The following KCNT1 variants were observed in gnomAD, a reference collection of about 807,000 sequenced individuals.
KCNT1 encodes the protein potassium channel subfamily T member 1.
KCNT1 carries 78 observed loss-of-function variants against 147.8 expected under a neutral mutation model. The ratio of observed to expected loss-of-function variants is 0.53; its 90% confidence interval spans 0.44 to 0.64. The LOEUF is 0.64. Ranked by LOEUF, KCNT1 falls within the 30% of genes least tolerant of loss-of-function variation. KCNT1 has a pLI of 0.00. For synonymous variants in KCNT1, 867 were observed against 748.8 expected, an observed-to-expected ratio of 1.16 and a Z score of -2.58; for missense variants, 1,419 against 1,750.3, an observed-to-expected ratio of 0.81 and a Z score of 3.38.
Position 135,778,419 on chromosome 9 carries a change from C to T in KCNT1, c.2523-5C>T. The stretch of plus-strand genomic sequence containing the variant: ...TGGGCCCCTCCAGGACCGCTGTCCC[C>T]ACAGGCCCGACCACCACTTCCTGGA... On this transcript the variant is annotated splice_region_variant and splice_polypyrimidine_tract_variant and intron_variant, in intron 21 of 30. Transcript: ENST00000371757. 6.4e-7 allele frequency: 1 copy of T among 1,550,762 alleles called. No homozygotes were observed. The highest frequency in any genetic ancestry group is 8.7e-7 in the Non-Finnish European group (1 of 1,146,980).
At chr9:135,706,696 C>G (rs1056436322) in intron 1 of KCNT1, among the ~76,000 whole-genome samples, 1 of 152,212 alleles carries the variant, frequency 6.6e-6, no homozygotes, top group African/African-American at 2.4e-5. Context: ...TTCACAGGCA[C>G]CAATAGTGCT....
At chr9:135,729,527 C>T (rs1009055357) in intron 2 of KCNT1, among the ~76,000 whole-genome samples, 11 of 152,208 alleles carry the variant, frequency 7.2e-5, no homozygotes, top group Admixed American at 2.6e-4. Context: ...CTCAGCTGTG[C>T]GCAGACTTCT....
chr9:135,748,233 C>G (rs1039805543), intron 2 of KCNT1, among the ~76,000 whole-genome samples: 1 of 152,264 alleles, frequency 6.6e-6, no homozygotes, highest in African/African-American at 2.4e-5. Context: ...TGTGACCGGC[C>G]CCTGGCCCCT....
chr9:135,754,204 T>C (rs1361029486), intron 5 of KCNT1, among the ~76,000 whole-genome samples: 2 of 152,210 alleles, frequency 1.3e-5, no homozygotes, highest in Non-Finnish European at 2.9e-5. Flanking sequence ...AGGCTCACAC[T>C]GCCTGGTCCC....
At chr9:135,743,734 G>A (rs1427597513) in intron 2 of KCNT1, among the ~76,000 whole-genome samples, 1 of 152,240 alleles carries the variant, frequency 6.6e-6, no homozygotes, top group Non-Finnish European at 1.5e-5. Context: ...GCACGGTCTG[G>A]ACACAGCCGA....
intron 2 of KCNT1, among the ~76,000 whole-genome samples, chr9:135,725,810 G>A (rs1353772681): frequency 6.6e-6 from 1 of 152,244 alleles, no homozygotes; most frequent in Admixed American, 6.5e-5. Context: ...CCTTTTGCTG[G>A]GCGGTTTGCC....
At chr9:135,755,207 G>A (rs768450525) in intron 6 of KCNT1, 38 bp downstream of exon 6, 13 of 1,580,648 alleles carry the variant, frequency 8.2e-6, no homozygotes, top group Non-Finnish European at 8.6e-7. Context: ...GACTGCAGTG[G>A]TGCTCAGTAA....
chr9:135,785,524 C>T, intron 28 of KCNT1, 194 bp downstream of exon 28: 3 of 721,766 alleles, frequency 4.2e-6, no homozygotes, highest in South Asian at 1.7e-5. Flanking sequence ...CTCCCTCCTG[C>T]ACTGGTGGTG....
chr9:135,770,567 A>G (rs965869176), intron 17 of KCNT1, 120 bp downstream of exon 17: 25 of 1,276,532 alleles, frequency 2.0e-5, no homozygotes, highest in Non-Finnish European at 2.1e-5. Flanking sequence ...GGCTCGGGGG[A>G]GGGCATCAGG....
chr9:135,755,727 A>G (rs1831440230), intron 6 of KCNT1, among the ~76,000 whole-genome samples: 1 of 150,964 alleles, frequency 6.6e-6, no homozygotes, highest in Admixed American at 6.6e-5. Context: ...TGCTGAGGAC[A>G]AACCAAGACT....
At chr9:135,703,087 G>A (rs73667688) in intron 1 of KCNT1, 2,862 of 152,684 alleles carry the variant, frequency 0.019, 104 homozygotes, top group East Asian at 0.14. Context: ...AGTCCTGAGC[G>A]GAGGTTGCCC....
At chr9:135,739,956 G>A (rs964611042) in intron 2 of KCNT1, among the ~76,000 whole-genome samples, 2 of 152,102 alleles carry the variant, frequency 1.3e-5, no homozygotes, top group African/African-American at 2.4e-5. Context: ...TCACAGTCCT[G>A]GAGGCTGGAA....
chr9:135,758,789 G>C (rs1831694751), intron 10 of KCNT1, among the ~76,000 whole-genome samples: 1 of 152,232 alleles, frequency 6.6e-6, no homozygotes, highest in Non-Finnish European at 1.5e-5. Context: ...GTAGAGAAGG[G>C]GACTGGCCCC....
intron 1 of KCNT1, among the ~76,000 whole-genome samples, chr9:135,704,979 G>T (rs1835190989): frequency 6.6e-6 from 1 of 152,222 alleles, no homozygotes; most frequent in African/African-American, 2.4e-5. Context: ...GAAGGGAGCA[G>T]ACAGGGTCCC....
At position 135,765,097 on chromosome 9, in the gene KCNT1, G is replaced by T. The variant is rs565492968; in HGVS notation, c.1102G>T (p.Ala368Ser). The change falls in exon 12 of 31, where the codon GCG becomes TCG. Residue 368 changes from alanine to serine, a missense_variant. Transcript: ENST00000371757. Reference protein sequence around the residue: ...KSGGNYSRHRAQTEKHVVLCV... With the variant: ...KSGGNYSRHRSQTEKHVVLCV... ...AGGGGGCAACTACAGCCGCCACCGT[G>T]CGCAGACGGAGAAGCACGTGGTCCT... is the stretch of plus-strand genomic sequence containing the variant. The T allele has an allele frequency of 1.4e-5, 23 of 1,613,504 alleles. No homozygotes were observed. Among genetic ancestry groups the T allele is most frequent in the Non-Finnish European group, 1.9e-5 (23 of 1,179,946 alleles).
At chr9:135,769,368 G>T (rs1832586405) in intron 15 of KCNT1, among the ~76,000 whole-genome samples, 1 of 152,202 alleles carries the variant, frequency 6.6e-6, no homozygotes, top group African/African-American at 2.4e-5. Context: ...GGCGAGCTGT[G>T]TGGGGCAGCG....
chr9:135,768,510 C>A, intron 13 of KCNT1, 100 bp from the exon 14 acceptor site: 1 of 818,232 alleles, frequency 1.2e-6, no homozygotes, highest in South Asian at 1.7e-5. Context: ...GCTGCACCAG[C>A]CTCCTCCCAG....
At chr9:135,706,964 T>G (rs1174774321) in intron 1 of KCNT1, among the ~76,000 whole-genome samples, 2 of 151,288 alleles carry the variant, frequency 1.3e-5, no homozygotes, top group Admixed American at 1.3e-4. Flanking sequence ...GCTGAGGAAA[T>G]GAAGCCTCAC....
chr9:135,755,875 C>T (rs1831451575), intron 6 of KCNT1, among the ~76,000 whole-genome samples: 1 of 151,462 alleles, frequency 6.6e-6, no homozygotes, highest in Non-Finnish European at 1.5e-5. Context: ...GCACTGAGGA[C>T]AGTCCCAGGC....
Sources: gnomAD v4.1 joint callset for allele counts (sites outside exome capture counted in the v4.1 genomes callset) on GRCh38, gnomAD v4.1.1 for gene constraint, MANE v1.5 for transcripts, NCBI Gene and HGNC (gene_info 2026-07-23, HGNC 2026-07-21) for gene names.